Variants in LPP observed in about 807,000 individuals in gnomAD.
LPP encodes the protein LIM domain containing preferred translocation partner in lipoma, also known as lipoma-preferred partner.
LPP carries 38 observed loss-of-function variants against 60.4 expected under a neutral mutation model. The observed-to-expected ratio is 0.63, with a 90% CI of 0.49 to 0.83. LPP has a LOEUF of 0.83. LPP is among the 40% of genes least tolerant of loss of function. The probability of loss-of-function intolerance (pLI) is 0.00; values close to 1 mark genes in which losing one functional copy is unlikely to be tolerated. For synonymous variants in LPP, 328 were observed against 290.8 expected, an observed-to-expected ratio of 1.13 and a Z score of -1.30; for missense variants, 902 against 783.6, an observed-to-expected ratio of 1.15 and a Z score of -1.80.
intron 2 of LPP, among the ~76,000 whole-genome samples, chr3:188,297,125 A>G (rs148418894): frequency 2.4e-4 from 36 of 152,336 alleles, no homozygotes; most frequent in African/African-American, 7.7e-4. Flanking sequence ...TGAGCAGGGA[A>G]TGATGTCATT....
At chr3:188,745,456 A>G (rs898500440) in intron 8 of LPP, among the ~76,000 whole-genome samples, 1 of 152,168 alleles carries the variant, frequency 6.6e-6, no homozygotes, top group African/African-American at 2.4e-5. Flanking sequence ...CTATATTAAG[A>G]GTTGCACTTA....
chr3:188,697,856 A>G (rs1185792003), intron 7 of LPP, among the ~76,000 whole-genome samples: 1 of 146,902 alleles, frequency 6.8e-6, no homozygotes, highest in Non-Finnish European at 1.5e-5. Flanking sequence ...ATTTGTAATT[A>G]TCAGATGTAC....
At chr3:188,159,346 G>A (rs1717496151) in intron 1 of LPP, among the ~76,000 whole-genome samples, 1 of 152,196 alleles carries the variant, frequency 6.6e-6, no homozygotes, top group African/African-American at 2.4e-5. Flanking sequence ...GCCACTCACA[G>A]ATAAAAGCAT....
At chr3:188,833,831 T>C (rs1187327398) in intron 9 of LPP, among the ~76,000 whole-genome samples, 1 of 152,198 alleles carries the variant, frequency 6.6e-6, no homozygotes, top group Admixed American at 6.5e-5. Flanking sequence ...CTGTTCATTC[T>C]TTTAACGTAA....
At chr3:188,647,066 C>A (rs183200040) in intron 7 of LPP, among the ~76,000 whole-genome samples, 2 of 152,346 alleles carry the variant, frequency 1.3e-5, no homozygotes, top group Non-Finnish European at 2.9e-5. Flanking sequence ...ATATTTACTT[C>A]TTTTCATCCA....
chr3:188,862,741 G>GAA lies in LPP; in HGVS notation c.1411-3454_1411-3453dup, dbSNP rs1560308504. On this transcript the variant is annotated intron_variant, in intron 9 of 11. Coordinates refer to ENST00000617246, the MANE Select transcript of LPP (RefSeq NM_001375462.1). ...AAAATAAATAAATAAATAAATAAAA[G>GAA]AAAAAAGAAAAGAAAGAAAGAAAAA... Among the ~76,000 whole-genome samples, 17 of 105,646 alleles carry GAA rather than the reference G, an allele frequency of 1.6e-4. 1 individual carries two copies. In the South Asian group the frequency reaches 4.8e-3, roughly 30 times the overall value. The allele number at this position is 105,646 out of a possible 152,430, so 69.3% of individuals were successfully genotyped here. A position where few individuals can be genotyped will look rare whatever the true frequency, so the allele number is the denominator to read the frequency against.
intron 6 of LPP, among the ~76,000 whole-genome samples, chr3:188,562,681 T>A (rs919272591): frequency 6.6e-6 from 1 of 151,970 alleles, no homozygotes; most frequent in Non-Finnish European, 1.5e-5. Flanking sequence ...TCCTTTTCTC[T>A]CCCCTTCATG....
intron 2 of LPP, among the ~76,000 whole-genome samples, chr3:188,282,110 T>G (rs1008404714): frequency 6.6e-6 from 1 of 152,038 alleles, no homozygotes; most frequent in African/African-American, 2.4e-5. Context: ...TCTCCTTTTC[T>G]CTCTCCTTCC....
At position 188,878,759 on chromosome 3, in the gene LPP, T is replaced by TAAAAAAAAAAAAAAAAAGAA. The variant is rs11448997; in HGVS notation, c.*4296_*4297insAGAAAAAAAAAAAAAAAAAA. ...ATATACTCACCAAAAAGTAAAAAAG[T>TAAAAAAAAAAAAAAAAAGAA]AAAAAAAAAAAAAAAAGAAAGAAAG... On this transcript the variant is annotated 3_prime_UTR_variant, in exon 12 of 12. Coordinates refer to ENST00000617246, the MANE Select transcript of LPP (RefSeq NM_001375462.1). The TAAAAAAAAAAAAAAAAAGAA allele has an allele frequency of 2.0e-5, 3 of 153,780 alleles. No homozygotes were observed. The highest frequency in any genetic ancestry group is 3.9e-5 in the Non-Finnish European group (3 of 76,306). 9.5% of individuals were successfully genotyped at this position (153,780 alleles called of 1,614,324 possible).
chr3:188,362,661 C>T (rs772818956), intron 3 of LPP, among the ~76,000 whole-genome samples: 1 of 152,186 alleles, frequency 6.6e-6, no homozygotes, highest in Non-Finnish European at 1.5e-5. Flanking sequence ...TCTGAGTCAT[C>T]GAGTTCACAA....
chr3:188,515,153 G>A (rs73890550), intron 5 of LPP, among the ~76,000 whole-genome samples: 2,984 of 152,134 alleles, frequency 0.02, 97 homozygotes, highest in African/African-American at 0.067. Flanking sequence ...TGTTTGAAGT[G>A]GGGCCTAATG....
At chr3:188,737,880 T>A in intron 8 of LPP, among the ~76,000 whole-genome samples, 1 of 152,204 alleles carries the variant, frequency 6.6e-6, no homozygotes, top group East Asian at 1.9e-4. Flanking sequence ...AAATGGTCTT[T>A]AAGCAGCCTT....
chr3:188,346,035 C>G (rs754640891), intron 3 of LPP, among the ~76,000 whole-genome samples: 2 of 152,108 alleles, frequency 1.3e-5, no homozygotes, highest in East Asian at 1.9e-4. Flanking sequence ...TCATGAGTCT[C>G]AGATTTGCCC....
At chr3:188,457,229 A>G (rs2149397647) in intron 4 of LPP, among the ~76,000 whole-genome samples, 1 of 152,256 alleles carries the variant, frequency 6.6e-6, no homozygotes, top group African/African-American at 2.4e-5. Context: ...CTGGCAAAGG[A>G]GACATTTCAG....
intron 3 of LPP, among the ~76,000 whole-genome samples, chr3:188,347,293 G>T (rs1578234893): frequency 6.6e-6 from 1 of 152,172 alleles, no homozygotes; most frequent in Non-Finnish European, 1.5e-5. Flanking sequence ...GGGATTTTAG[G>T]AAGGGACAAG....
intron 4 of LPP, among the ~76,000 whole-genome samples, chr3:188,436,042 C>T (rs1792214533): frequency 6.6e-6 from 1 of 152,184 alleles, no homozygotes; most frequent in African/African-American, 2.4e-5. Flanking sequence ...GGAGCCAATG[C>T]AATTTTTCAT....
At chr3:188,354,578 A>G (rs1766953004) in intron 3 of LPP, among the ~76,000 whole-genome samples, 1 of 152,080 alleles carries the variant, frequency 6.6e-6, no homozygotes, top group Non-Finnish European at 1.5e-5. Context: ...TTTTTCTTTT[A>G]CAGTTTTAGG....
chr3:188,524,926 TC>T (rs2150191752), intron 6 of LPP, 139 bp downstream of exon 6: 1 of 651,964 alleles, frequency 1.5e-6, no homozygotes, highest in East Asian at 3.3e-5. Flanking sequence ...CTTCCTTCCT[TC>T]CTTCCTTCCT....
chr3:188,509,812 C>T (rs1008217137), intron 5 of LPP, among the ~76,000 whole-genome samples: 5 of 150,862 alleles, frequency 3.3e-5, no homozygotes, highest in African/African-American at 1.2e-4. Context: ...CCTGTTTCAG[C>T]TTCCCAAGTA....
Sources: gnomAD v4.1 joint callset for allele counts (sites outside exome capture counted in the v4.1 genomes callset) on GRCh38, gnomAD v4.1.1 for gene constraint, MANE v1.5 for transcripts, NCBI Gene and HGNC (gene_info 2026-07-23, HGNC 2026-07-21) for gene names.